The following ZNF184 variants were observed in gnomAD, a reference collection of about 807,000 sequenced individuals.
The protein encoded by ZNF184 is zinc finger protein 184 (Kruppel-like).
Under a neutral mutation model 54.4 loss-of-function variants are expected in ZNF184, and 16 were observed. That is an observed-to-expected ratio of 0.29 (90% CI 0.20 to 0.45). ZNF184 has a LOEUF of 0.45. ZNF184 is among the 20% of genes least tolerant of loss of function. The pLI, the probability that ZNF184 is intolerant of heterozygous loss-of-function variation, is 1.00. For missense variants in ZNF184, 681 were observed against 888.2 expected, an observed-to-expected ratio of 0.77 and a Z score of 2.97; for synonymous variants, 254 against 295.3, an observed-to-expected ratio of 0.86 and a Z score of 1.43.
chr6:27,420,731 A>G, the ZNF184 span, among the ~76,000 whole-genome samples: 1 of 152,228 alleles, frequency 6.6e-6, no homozygotes, highest in East Asian at 1.9e-4. Context: ...TGTGGAAGAC[A>G]GGTCAGTGGT....
chr6:27,434,483 A>G, the ZNF184 span, among the ~76,000 whole-genome samples: 4 of 152,076 alleles, frequency 2.6e-5, no homozygotes, highest in African/African-American at 4.8e-5. Flanking sequence ...AAAATTTTCT[A>G]TTCAAATATT....
chr6:27,433,919 TCTTC>T, the ZNF184 span, among the ~76,000 whole-genome samples: 1 of 146,632 alleles, frequency 6.8e-6, no homozygotes, highest in Non-Finnish European at 1.5e-5. Context: ...TTTCTTTCTT[TCTTC>T]TTTCTTTCTT....
chr6:27,441,364 T>A, the ZNF184 span, among the ~76,000 whole-genome samples: 1 of 152,120 alleles, frequency 6.6e-6, no homozygotes, highest in African/African-American at 2.4e-5. Context: ...TACAGCCCTA[T>A]CACCACGCCT....
At chr6:27,463,514 T>C (rs951556884) in intron 3 of ZNF184, among the ~76,000 whole-genome samples, 4 of 151,912 alleles carry the variant, frequency 2.6e-5, no homozygotes, top group Non-Finnish European at 4.4e-5. Context: ...TTATGTGTGA[T>C]TGGAGTACTG....
chr6:27,426,556 T>C, the ZNF184 span, among the ~76,000 whole-genome samples: 1 of 151,250 alleles, frequency 6.6e-6, no homozygotes, highest in Non-Finnish European at 1.5e-5. The surrounding 1 kb of genome is among the most constrained non-coding windows in gnomAD (Gnocchi z 4.2). Flanking sequence ...TTCTGCCTCC[T>C]GTGTGACTTT....
chr6:27,440,580 T>C, the ZNF184 span, among the ~76,000 whole-genome samples: 1 of 152,138 alleles, frequency 6.6e-6, no homozygotes, highest in Non-Finnish European at 1.5e-5. Context: ...TGTGATCTGT[T>C]TAGATTTGTA....
chr6:27,470,119 G>A lies in ZNF184; in HGVS notation c.7+2169C>T, dbSNP rs1320694105. Among the ~76,000 whole-genome samples, 5 of 152,204 alleles carry A rather than the reference G, an allele frequency of 3.3e-5. No individual in the cohort carries two copies. In the East Asian group the frequency reaches 9.6e-4, roughly 29 times the overall value. ...GAGACAGCTAACTGGCCTAGTGTGG[G>A]TTTTATGACCAAGCCTTGTTTAAAA... On this transcript the variant is annotated intron_variant, in intron 2 of 5. Transcript: ENST00000683788.
chr6:27,456,027 G>A (rs188751691), intron 5 of ZNF184, among the ~76,000 whole-genome samples: 10 of 152,304 alleles, frequency 6.6e-5, no homozygotes, highest in African/African-American at 2.2e-4. Flanking sequence ...AGACGCTGAG[G>A]CGGGTAGATC....
chr6:27,442,880 A>AAGAAAGAAAGAAAG, the ZNF184 span, among the ~76,000 whole-genome samples: 1 of 86,174 alleles, frequency 1.2e-5, no homozygotes, highest in Non-Finnish European at 2.5e-5. Context: ...GAAAGAAAGA[A>AAGAAAGAAAGAAAG]AAAGAAAAAA....
chr6:27,406,179 C>T, the ZNF184 span: 1 of 152,390 alleles, frequency 6.6e-6, no homozygotes, highest in East Asian at 1.9e-4. Context: ...TGGAGCAATG[C>T]TGATTGAGAA....
chr6:27,423,840 CT>C, the ZNF184 span, among the ~76,000 whole-genome samples: 240 of 152,270 alleles, frequency 1.6e-3, 3 homozygotes, highest in Admixed American at 4.8e-3. Context: ...TGTTAATATT[CT>C]TTTACAATGT....
chr6:27,472,558 C>G lies in ZNF184; in HGVS notation c.-139-125G>C. 1 of 471,864 alleles carries G rather than the reference C, an allele frequency of 2.1e-6. No homozygotes were observed. Among genetic ancestry groups the G allele is most frequent in the South Asian group, 2.9e-5 (1 of 34,650 alleles). 29.2% of individuals were successfully genotyped at this position (471,864 alleles called of 1,614,324 possible). A position where few individuals can be genotyped will look rare whatever the true frequency, so the allele number is the denominator to read the frequency against. On this transcript the variant is annotated intron_variant, in intron 1 of 5. Transcript: ENST00000683788. This position sits in a 1 kb window ranked among gnomAD's most constrained non-coding sequence, Gnocchi z 4.8. The stretch of plus-strand genomic sequence containing the variant: ...GAGAGCACTAGAGAGGTGTGTGGCA[C>G]TCCGATGAACAAAACAGAGTGGAGA...
In ZNF184 at chr6:27,452,920, T is replaced by A; in HGVS notation, c.639A>T (p.Ser213=). 6.2e-7 allele frequency: 1 copy of A among 1,614,198 alleles called. No homozygotes were observed. Among genetic ancestry groups the A allele is most frequent in the South Asian group, 1.1e-5 (1 of 91,088 alleles). Residue 213 remains serine (S), a synonymous_variant, in exon 6 of 6, where the codon TCA becomes TCT. Transcript: ENST00000683788. The surrounding 1 kb of genome is among the most constrained non-coding windows in gnomAD (Gnocchi z 5.5). ...AAGATTTCTCTTTTTTAACTGGGTT[T>A]GAATTCTGTTTGATGCTTCTTTTAG... ...TSTKRSIKQN[S]NPVKKEKSCK...
chr6:27,425,601 T>C, the ZNF184 span, among the ~76,000 whole-genome samples: 6 of 152,198 alleles, frequency 3.9e-5, no homozygotes, highest in African/African-American at 1.4e-4. Context: ...ACTGTTCTAT[T>C]TTGTGTCTAT....
chr6:27,452,154 T>C lies in ZNF184; in HGVS notation c.1405A>G (p.Thr469Ala). 6.2e-7 allele frequency: 1 copy of C among 1,614,176 alleles called. No individual in the cohort carries two copies. The highest frequency in any genetic ancestry group is 8.5e-7 in the Non-Finnish European group (1 of 1,180,022). ...TTGCATTTGTAAGGTTTTTCTCCAGTATGAATTTTCAGGTGTTGAGCAAGG... is the reference window on the plus strand; with the variant it reads ...TTGCATTTGTAAGGTTTTTCTCCAGCATGAATTTTCAGGTGTTGAGCAAGG... ...SSLAQHLKIH[T>A]GEKPYKCNEC... Residue 469 changes from threonine to alanine, a missense_variant, in exon 6 of 6, where the codon ACT (threonine) becomes GCT (alanine). Coordinates refer to ENST00000683788, the MANE Select transcript of ZNF184 (RefSeq NM_001318891.2). This position sits in a 1 kb window ranked among gnomAD's most constrained non-coding sequence, Gnocchi z 5.5.
the ZNF184 span, among the ~76,000 whole-genome samples, chr6:27,440,884 A>G: frequency 0.048 from 7,311 of 152,198 alleles, 255 homozygotes; most frequent in Non-Finnish European, 0.072. Context: ...GGGTGCCTGT[A>G]GTCCCAGCTA....
chr6:27,459,174 C>T (rs949684012), intron 3 of ZNF184, among the ~76,000 whole-genome samples: 21 of 152,004 alleles, frequency 1.4e-4, no homozygotes, highest in African/African-American at 5.1e-4. Context: ...AGCACTATAG[C>T]GTGAATATGG....
the ZNF184 span, among the ~76,000 whole-genome samples, chr6:27,434,212 C>T: frequency 3.3e-5 from 5 of 152,122 alleles, no homozygotes; most frequent in African/African-American, 1.2e-4. Context: ...GTTGCTGGAT[C>T]ATGTGGTAAT....
At chr6:27,471,360 T>G (rs1457178374) in intron 2 of ZNF184, among the ~76,000 whole-genome samples, 1 of 152,198 alleles carries the variant, frequency 6.6e-6, no homozygotes, top group Non-Finnish European at 1.5e-5. Context: ...ACATTAAGGA[T>G]AATAATAATT....
Sources: allele counts gnomAD v4.1 joint callset (sites outside exome capture counted in the v4.1 genomes callset), GRCh38; gene constraint gnomAD v4.1.1; non-coding constraint Gnocchi (gnomAD v3.1); transcripts MANE v1.5; gene names NCBI Gene and HGNC (gene_info 2026-07-23, HGNC 2026-07-21).